Variants in RAD50 observed in about 807,000 individuals in gnomAD.
The protein encoded by RAD50 is RAD50 double strand break repair protein.
In RAD50, 132 loss-of-function variants were observed where a neutral mutation model predicts 168.8. The observed-to-expected ratio is 0.78, with a 90% CI of 0.68 to 0.90. The LOEUF (loss-of-function observed/expected upper bound fraction) is 0.90, where lower values mean the gene tolerates loss of function less well. RAD50 is among the 40% of genes least tolerant of loss of function. RAD50 has a pLI of 0.00. For synonymous variants in RAD50, 525 were observed against 497.4 expected (o/e 1.06, Z -0.74); for missense variants, 1,347 against 1,534.4 (o/e 0.88, Z 2.04).
At chr5:132,588,179 G>T in intron 7 of RAD50, 90 bp downstream of exon 7, 1 of 1,431,596 alleles carries the variant, frequency 7.0e-7, no homozygotes. Flanking sequence ...CTTATGCTGA[G>T]TGAAAAGCCA....
At chr5:132,559,185 G>T in intron 1 of RAD50, 99 bp from the exon 2 acceptor site, 1 of 1,164,346 alleles carries the variant, frequency 8.6e-7, no homozygotes, top group Non-Finnish European at 1.2e-6. Context: ...ATCTTTTATA[G>T]TTTCCATGAT....
chr5:132,624,871 C>CAAAA (rs10671829), intron 21 of RAD50, among the ~76,000 whole-genome samples: 1,185 of 57,262 alleles, frequency 0.021, 27 homozygotes, highest in African/African-American at 0.057. Context: ...GACCCTGTCT[C>CAAAA]AAAAAAAAAA....
At chr5:132,629,826 A>ATCTGTTATTAGT (rs1751432140) in intron 21 of RAD50, among the ~76,000 whole-genome samples, 1 of 152,154 alleles carries the variant, frequency 6.6e-6, no homozygotes, top group Non-Finnish European at 1.5e-5. Context: ...TAATCATCTA[A>ATCTGTTATTAGT]AAACATCACT....
chr5:132,557,946 A>G (rs963794443), intron 1 of RAD50, among the ~76,000 whole-genome samples: 1 of 152,214 alleles, frequency 6.6e-6, no homozygotes, highest in African/African-American at 2.4e-5. Flanking sequence ...AGTGGGGCTT[A>G]ACTTGGAAAA....
intron 21 of RAD50, among the ~76,000 whole-genome samples, chr5:132,627,584 C>T (rs903415882): frequency 1.3e-5 from 2 of 152,106 alleles, no homozygotes; most frequent in East Asian, 1.9e-4. Context: ...AAGACCAGTA[C>T]GAACAGAAAG....
intron 19 of RAD50, among the ~76,000 whole-genome samples, chr5:132,610,851 A>G (rs535937021): frequency 1.2e-4 from 19 of 152,344 alleles, no homozygotes; most frequent in African/African-American, 4.3e-4. Context: ...TTAATGATCT[A>G]TGACCCCTTT....
chr5:132,623,415 A>G (rs566856528), intron 21 of RAD50, among the ~76,000 whole-genome samples: 1 of 152,280 alleles, frequency 6.6e-6, no homozygotes, highest in African/African-American at 2.4e-5. Context: ...TGGGAAGTAG[A>G]GGTTGCAGTG....
chr5:132,592,624 C>A, intron 11 of RAD50: 1 of 269,450 alleles, frequency 3.7e-6, no homozygotes, highest in Non-Finnish European at 7.7e-6. Context: ...TTCGGCCCTC[C>A]AGAAAGTCAG....
At chr5:132,630,658 T>C (rs1188881104) in intron 21 of RAD50, 2 of 152,264 alleles carry the variant, frequency 1.3e-5, no homozygotes, top group East Asian at 3.8e-4. Flanking sequence ...TAAAAGCTGA[T>C]GTTTGGGAGT....
Position 132,557,456 on chromosome 5 carries a change from A to G in RAD50, c.129+3A>G, listed in dbSNP as rs758327485. 1.2e-6 allele frequency: 2 copies of G among 1,614,162 alleles called. 1 individual carries two copies. The stretch of plus-strand genomic sequence containing the variant: ...GACCCAATGGGGCGGGAAAGACGGT[A>G]AGTCTTCAGTAGCCGCCTTCAGTTT... On this transcript the variant is annotated splice_donor_region_variant and intron_variant, in intron 1 of 24. Transcript: ENST00000378823.
intron 3 of RAD50, among the ~76,000 whole-genome samples, chr5:132,578,058 C>T (rs1750429966): frequency 6.6e-6 from 1 of 152,146 alleles, no homozygotes; most frequent in Non-Finnish European, 1.5e-5. Flanking sequence ...CGTGATCCGC[C>T]CACCTCAGCC....
chr5:132,595,191 T>A, intron 12 of RAD50, 147 bp downstream of exon 12: 1 of 876,392 alleles, frequency 1.1e-6, no homozygotes, highest in Non-Finnish European at 1.8e-6. Context: ...TTACTCACTG[T>A]GTGACTTTAG....
intron 21 of RAD50, among the ~76,000 whole-genome samples, chr5:132,619,836 C>CCTCTCTCTCTCTCTCTA (rs1751248817): frequency 1.7e-5 from 2 of 114,400 alleles, no homozygotes; most frequent in African/African-American, 7.9e-5. Flanking sequence ...CTCTCTCTCT[C>CCTCTCTCTCTCTCTCTA]TATATATATA....
At chr5:132,558,782 C>A (rs1057248229) in intron 1 of RAD50, among the ~76,000 whole-genome samples, 1 of 149,634 alleles carries the variant, frequency 6.7e-6, no homozygotes. Context: ...GACTGTAATC[C>A]GAGCCGTTTG....
Position 132,557,301 on chromosome 5 carries a change from G to GT in RAD50, c.-23dup, listed in dbSNP as rs754724547. 6.2e-7 allele frequency: 1 copy of GT among 1,613,844 alleles called. No homozygotes were observed. The highest frequency in any genetic ancestry group is 1.1e-5 in the South Asian group (1 of 91,086). On this transcript the variant is annotated 5_prime_UTR_variant, in exon 1 of 25. Transcript: ENST00000378823. ...AGCCTTTGTGGGCTCCAGGTCCCTG[G>GT]TGAGATTAGAAACGTTTGCAAACAT...
intron 2 of RAD50, among the ~76,000 whole-genome samples, chr5:132,565,964 T>C (rs1385172494): frequency 6.6e-6 from 1 of 152,244 alleles, no homozygotes; most frequent in African/African-American, 2.4e-5. Context: ...GGCTGAGTTA[T>C]AGGTGCCTTA....
At chr5:132,576,360 G>C (rs576455946) in intron 3 of RAD50, among the ~76,000 whole-genome samples, 2 of 152,196 alleles carry the variant, frequency 1.3e-5, no homozygotes, top group Non-Finnish European at 2.9e-5. Flanking sequence ...AAGTAGGAAA[G>C]AATGATAAAT....
intron 21 of RAD50, among the ~76,000 whole-genome samples, chr5:132,619,723 A>C (rs1239867006): frequency 6.8e-6 from 1 of 146,586 alleles, no homozygotes; most frequent in African/African-American, 2.6e-5. Context: ...GAGTTAGTTG[A>C]ATTTAGCAGC....
chr5:132,557,035 T>C lies in RAD50; in HGVS notation c.-290T>C, dbSNP rs1320188421. On this transcript the variant is annotated 5_prime_UTR_variant, in exon 1 of 25. Transcript: ENST00000378823. ...GTGAGTGCGCGGTTGCGGGGTCGCATTGTGGCTACGGCTTTGCGTCCCCGG... is the reference window on the plus strand; with the variant it reads ...GTGAGTGCGCGGTTGCGGGGTCGCACTGTGGCTACGGCTTTGCGTCCCCGG... 1.5e-5 allele frequency: 10 copies of C among 655,012 alleles called. No individual in the cohort carries two copies. Among genetic ancestry groups the C allele is most frequent in the Non-Finnish European group, 2.4e-5 (10 of 415,452 alleles). 40.6% of individuals were successfully genotyped at this position (655,012 alleles called of 1,614,324 possible).
Sources: allele counts gnomAD v4.1 joint callset (sites outside exome capture counted in the v4.1 genomes callset), GRCh38; gene constraint gnomAD v4.1.1; transcripts MANE v1.5; gene names NCBI Gene and HGNC (gene_info 2026-07-23, HGNC 2026-07-21).